The following CA8 variants were observed in gnomAD, a reference collection of about 807,000 sequenced individuals.
The protein encoded by CA8 is carbonic anhydrase-related protein.
In CA8, 22 loss-of-function variants were observed where a neutral mutation model predicts 41.4. The ratio of observed to expected loss-of-function variants is 0.53; its 90% CI spans 0.38 to 0.76. CA8 has a LOEUF of 0.76. Among genes scored for constraint, CA8 ranks in the 30% least tolerant of loss-of-function variants. The pLI is 0.00. For missense variants in CA8, 270 were observed against 352.8 expected (o/e 0.77, Z 1.88); for synonymous variants, 121 against 130.6 (o/e 0.93, Z 0.50).
intron 2 of CA8, among the ~76,000 whole-genome samples, chr8:60,276,982 G>A (rs1804257924): frequency 6.6e-6 from 1 of 151,994 alleles, no homozygotes; most frequent in African/African-American, 2.4e-5. Flanking sequence ...AGCTTGGTGT[G>A]GTGGCGGGCG....
rs200587653 is a variant in CA8 at position 60,243,430 on chromosome 8, T to TAAAA, written c.418-11055_418-11052dup. Among the ~76,000 whole-genome samples the TAAAA allele has an allele frequency of 4.4e-3, 620 of 141,442 alleles. 4 individuals carry two copies. Among genetic ancestry groups the TAAAA allele is most frequent in the African/African-American group, 0.016 (599 of 38,070 alleles). The allele number at this position is 141,442 out of a possible 152,430, so 92.8% of individuals were successfully genotyped here. A position where few individuals can be genotyped will look rare whatever the true frequency, so the allele number is the denominator to read the frequency against. On this transcript the variant is annotated intron_variant, in intron 3 of 8. Transcript: ENST00000317995. ...AATATGCATAGATGTTTCTCCTCTT[T>TAAAA]AAAAAAAAAAAAAAAAATTCCTGGA...
At chr8:60,237,411 T>G (rs1321331145) in intron 3 of CA8, among the ~76,000 whole-genome samples, 1 of 152,248 alleles carries the variant, frequency 6.6e-6, no homozygotes, top group Non-Finnish European at 1.5e-5. Flanking sequence ...AACTGGATTA[T>G]AGTTTAGACC....
chr8:60,274,114 A>G (rs939886233), intron 2 of CA8, among the ~76,000 whole-genome samples: 3 of 152,054 alleles, frequency 2.0e-5, no homozygotes, highest in Admixed American at 1.3e-4. Flanking sequence ...GGTGGTGTGA[A>G]GTCAGCTTTA....
chr8:60,196,593 T>C (rs1187255821), intron 8 of CA8, among the ~76,000 whole-genome samples: 1 of 152,206 alleles, frequency 6.6e-6, no homozygotes, highest in Non-Finnish European at 1.5e-5. Context: ...TTCCTTGATA[T>C]AAAGATTCAA....
intron 2 of CA8, among the ~76,000 whole-genome samples, chr8:60,266,314 T>C (rs977471038): frequency 6.6e-6 from 1 of 152,260 alleles, no homozygotes; most frequent in Non-Finnish European, 1.5e-5. Context: ...ATTTCCTGTG[T>C]GTTTTCAGTC....
At chr8:60,256,069 G>A (rs1010123151) in intron 3 of CA8, among the ~76,000 whole-genome samples, 19 of 151,830 alleles carry the variant, frequency 1.3e-4, no homozygotes, top group Middle Eastern at 6.8e-3. Flanking sequence ...CTATATGCCC[G>A]GCTAATTTTT....
At chr8:60,206,576 C>T (rs1254310409) in intron 8 of CA8, among the ~76,000 whole-genome samples, 1 of 152,180 alleles carries the variant, frequency 6.6e-6, no homozygotes, top group Non-Finnish European at 1.5e-5. Context: ...CATCCCACCC[C>T]CGCTGCCTCT....
At chr8:60,225,412 C>G (rs1264985365) in intron 5 of CA8, among the ~76,000 whole-genome samples, 2 of 152,212 alleles carry the variant, frequency 1.3e-5, no homozygotes, top group Non-Finnish European at 2.9e-5. Flanking sequence ...CCCGATCCCC[C>G]TGAATTCCAT....
At chr8:60,218,080 G>A (rs7465205) in intron 7 of CA8, among the ~76,000 whole-genome samples, 3,926 of 152,100 alleles carry the variant, frequency 0.026, 187 homozygotes, top group African/African-American at 0.088. Context: ...CACACTTACC[G>A]CAAGCGTTCC....
At chr8:60,222,910 A>C in intron 6 of CA8, 149 bp from the exon 7 acceptor site, 1 of 687,596 alleles carries the variant, frequency 1.5e-6, no homozygotes, top group Non-Finnish European at 2.7e-6. Flanking sequence ...ACAGTCTTAC[A>C]CTACTCATTG....
chr8:60,210,316 C>T (rs1806788844), intron 7 of CA8, among the ~76,000 whole-genome samples: 1 of 152,132 alleles, frequency 6.6e-6, no homozygotes. Context: ...CCACAAAGAT[C>T]CTTAATATGA....
intron 8 of CA8, among the ~76,000 whole-genome samples, chr8:60,203,803 A>C (rs535038369): frequency 6.6e-6 from 1 of 152,256 alleles, no homozygotes; most frequent in African/African-American, 2.4e-5. Flanking sequence ...TTGGAGACTT[A>C]CTAACAAAAC....
In CA8 at chr8:60,189,382, C is replaced by T. The variant is rs1039225740; in HGVS notation, c.*639G>A. 1.3e-5 allele frequency: 2 copies of T among 152,092 alleles called. No individual in the cohort carries two copies. Among genetic ancestry groups the T allele is most frequent in the Admixed American group, 1.3e-4 (2 of 15,240 alleles). The allele number at this position is 152,092 out of a possible 1,614,324, so 9.4% of individuals were successfully genotyped here. On this transcript the variant is annotated 3_prime_UTR_variant, in exon 9 of 9. Transcript: ENST00000317995. ...GATCCATACATTCAGTTAAATCCTTCAACTATGTAGTAATACCTAAAGTGA... is the reference window on the plus strand; with the variant it reads ...GATCCATACATTCAGTTAAATCCTTTAACTATGTAGTAATACCTAAAGTGA...
intron 3 of CA8, among the ~76,000 whole-genome samples, chr8:60,252,212 G>A (rs1471613369): frequency 1.3e-5 from 2 of 152,210 alleles, no homozygotes; most frequent in African/African-American, 4.8e-5. Context: ...GTGACAGAAA[G>A]GGAGAGATTT....
intron 3 of CA8, among the ~76,000 whole-genome samples, chr8:60,254,170 T>C (rs2130558671): frequency 6.6e-6 from 1 of 152,378 alleles, no homozygotes; most frequent in South Asian, 2.1e-4. Flanking sequence ...GTTGTTTTTT[T>C]ACATTCTATA....
intron 8 of CA8, among the ~76,000 whole-genome samples, chr8:60,200,230 T>C (rs1806384580): frequency 6.6e-6 from 1 of 152,208 alleles, no homozygotes; most frequent in South Asian, 2.1e-4. Context: ...ATCTTGGACT[T>C]CCTAGCCTCT....
Position 60,271,528 on chromosome 8 carries a change from G to A in CA8, c.293-5479C>T, listed in dbSNP as rs191661040. Reference sequence around the variant, plus strand: ...GTTAAAAAGTTGCCATGTTTGGGGGGGAAAAGTAGGATTAATAATCATCAT... The same window carrying A: ...GTTAAAAAGTTGCCATGTTTGGGGGAGAAAAGTAGGATTAATAATCATCAT... On this transcript the variant is annotated intron_variant, in intron 2 of 8. Transcript: ENST00000317995. Among the ~76,000 whole-genome samples, 14 of 152,220 alleles carry A rather than the reference G, an allele frequency of 9.2e-5. 1 individual carries two copies. In the East Asian group the frequency reaches 2.3e-3, roughly 25 times the overall value.
intron 8 of CA8, among the ~76,000 whole-genome samples, chr8:60,196,319 T>C (rs930413512): frequency 1.3e-5 from 2 of 152,192 alleles, no homozygotes; most frequent in Non-Finnish European, 2.9e-5. Context: ...CATTTTACCA[T>C]AGCTCATGAA....
At chr8:60,262,335 CA>C (rs11424117) in intron 3 of CA8, among the ~76,000 whole-genome samples, 2,793 of 109,292 alleles carry the variant, frequency 0.026, 27 homozygotes, top group Middle Eastern at 0.03. Context: ...AGCAAAATGG[CA>C]AAAAAAAAAA....
Sources: allele counts gnomAD v4.1 joint callset (sites outside exome capture counted in the v4.1 genomes callset), GRCh38; gene constraint gnomAD v4.1.1; transcripts MANE v1.5; gene names NCBI Gene and HGNC (gene_info 2026-07-23, HGNC 2026-07-21).